The following TSHZ2 variants were observed in gnomAD, a reference collection of about 807,000 sequenced individuals.
TSHZ2 encodes teashirt homolog 2.
A neutral mutation model predicts 74.4 loss-of-function variants in TSHZ2; 21 were observed. The ratio of observed to expected loss-of-function variants is 0.28; its 90% confidence interval spans 0.20 to 0.41. The LOEUF (loss-of-function observed/expected upper bound fraction) is 0.41, where lower values mean the gene tolerates loss of function less well. Among genes scored for constraint, TSHZ2 ranks in the 10% least tolerant of loss-of-function variants. The probability of loss-of-function intolerance (pLI) is 1.00; values close to 1 mark genes in which losing one functional copy is unlikely to be tolerated. For synonymous variants in TSHZ2, 540 were observed against 515.3 expected, an observed-to-expected ratio of 1.05 and a Z score of -0.65; for missense variants, 1,244 against 1,293.5, an observed-to-expected ratio of 0.96 and a Z score of 0.59.
chr20:53,318,157 C>G (rs1979101808), intron 2 of TSHZ2, among the ~76,000 whole-genome samples: 1 of 152,164 alleles, frequency 6.6e-6, no homozygotes, highest in African/African-American at 2.4e-5. Context: ...TGGGAAGCCT[C>G]CAGAGACCAG....
intron 1 of TSHZ2, among the ~76,000 whole-genome samples, chr20:53,112,121 C>G (rs889951722): frequency 6.6e-6 from 1 of 152,178 alleles, no homozygotes; most frequent in Admixed American, 6.5e-5. Flanking sequence ...AGGAGCAAGA[C>G]AGGGACAAGG....
intron 1 of TSHZ2, among the ~76,000 whole-genome samples, chr20:53,219,212 C>T (rs1053591850): frequency 2.0e-5 from 3 of 152,142 alleles, no homozygotes; most frequent in Non-Finnish European, 4.4e-5. Flanking sequence ...TGAATTCCCC[C>T]ATAAAAGCTG....
At chr20:53,137,166 A>T (rs932513195) in intron 1 of TSHZ2, among the ~76,000 whole-genome samples, 1 of 152,146 alleles carries the variant, frequency 6.6e-6, no homozygotes, top group Non-Finnish European at 1.5e-5. Context: ...ATTGATAGTA[A>T]CACTTCTGCA....
chr20:53,033,408 C>T (rs897970993), intron 1 of TSHZ2, among the ~76,000 whole-genome samples: 1 of 152,034 alleles, frequency 6.6e-6, no homozygotes. Context: ...TGGGGAAAAG[C>T]GAACATAAGC....
chr20:53,408,158 G>A (rs1243378498), intron 2 of TSHZ2, among the ~76,000 whole-genome samples: 1 of 152,208 alleles, frequency 6.6e-6, no homozygotes, highest in Non-Finnish European at 1.5e-5. Flanking sequence ...GAATCCGCCA[G>A]GTGGCCAGTC....
At chr20:53,208,554 T>C (rs1305437480) in intron 1 of TSHZ2, 5 of 152,078 alleles carry the variant, frequency 3.3e-5, no homozygotes. Context: ...CCTGCTTGAC[T>C]TGATAATGAC....
At chr20:53,375,884 ATTTCT>A (rs1600590251) in intron 2 of TSHZ2, among the ~76,000 whole-genome samples, 2 of 152,308 alleles carry the variant, frequency 1.3e-5, no homozygotes. Context: ...GTTTGCCTTC[ATTTCT>A]TTATTTATTA....
At chr20:53,000,828 C>G (rs192447794) in intron 1 of TSHZ2, among the ~76,000 whole-genome samples, 1 of 152,284 alleles carries the variant, frequency 6.6e-6, no homozygotes, top group East Asian at 1.9e-4. Flanking sequence ...TCTCTTCCAG[C>G]GCTCTGATTC....
At chr20:53,283,719 A>T (rs1991109001) in intron 2 of TSHZ2, among the ~76,000 whole-genome samples, 1 of 152,132 alleles carries the variant, frequency 6.6e-6, no homozygotes, top group Admixed American at 6.5e-5. Flanking sequence ...TCTTATTCCT[A>T]TTTTACAGTT....
chr20:53,354,263 A>C (rs1013578467), intron 2 of TSHZ2, among the ~76,000 whole-genome samples: 3 of 152,204 alleles, frequency 2.0e-5, no homozygotes, highest in African/African-American at 7.2e-5. Context: ...ACATGAGGAG[A>C]CATGGTGCTC....
Position 53,469,761 on chromosome 20 carries a change from AGAGGGAGG to A in TSHZ2, c.*9-17382_*9-17375del, listed in dbSNP as rs1985726321. Among the ~76,000 whole-genome samples the A allele has an allele frequency of 4.9e-5, 3 of 61,024 alleles. 1 individual carries two copies. Among genetic ancestry groups the A allele is most frequent in the Non-Finnish European group, 9.6e-5 (3 of 31,118 alleles). The allele number at this position is 61,024 out of a possible 152,430, so 40.0% of individuals were successfully genotyped here. ...GGAAGGAAGGACCCAAGAAAGATAG[AGAGGGAGG>A]AAGGGAGGGAGGGAGGGAGGAAGGA... On this transcript the variant is annotated intron_variant, in intron 2 of 2. Coordinates refer to ENST00000371497, the MANE Select transcript of TSHZ2 (RefSeq NM_173485.6).
intron 1 of TSHZ2, among the ~76,000 whole-genome samples, chr20:53,107,458 A>T (rs1352845021): frequency 6.6e-6 from 1 of 152,220 alleles, no homozygotes. Flanking sequence ...TCTGTTTGCC[A>T]TAAGCAGCAC....
At chr20:53,090,631 A>ACAGC (rs1985855818) in intron 1 of TSHZ2, among the ~76,000 whole-genome samples, 1 of 152,180 alleles carries the variant, frequency 6.6e-6, no homozygotes, top group African/African-American at 2.4e-5. Context: ...GGAGCAGCTG[A>ACAGC]CAGCAGCTTG....
At chr20:53,261,918 A>C (rs182717671) in intron 2 of TSHZ2, among the ~76,000 whole-genome samples, 28 of 152,348 alleles carry the variant, frequency 1.8e-4, no homozygotes, top group African/African-American at 6.3e-4. Context: ...GGAGGGGAAA[A>C]TAAAGAGCTA....
intron 1 of TSHZ2, among the ~76,000 whole-genome samples, chr20:53,085,234 G>A (rs538423094): frequency 2.0e-5 from 3 of 152,026 alleles, no homozygotes; most frequent in East Asian, 3.9e-4. Context: ...GCGTGGTGGC[G>A]GGCACCTATA....
chr20:53,097,871 A>C (rs1986098582), intron 1 of TSHZ2: 2 of 151,960 alleles, frequency 1.3e-5, no homozygotes, highest in Admixed American at 6.6e-5. Flanking sequence ...CCCTGCTAGA[A>C]CCTCCAACAT....
intron 1 of TSHZ2, among the ~76,000 whole-genome samples, chr20:53,085,845 C>T (rs1985683407): frequency 6.6e-6 from 1 of 152,188 alleles, no homozygotes; most frequent in Non-Finnish European, 1.5e-5. Context: ...GAAGTAATCC[C>T]ACGCAGGGCT....
At chr20:53,062,352 GT>G (rs1984849083) in intron 1 of TSHZ2, among the ~76,000 whole-genome samples, 1 of 152,200 alleles carries the variant, frequency 6.6e-6, no homozygotes, top group African/African-American at 2.4e-5. Flanking sequence ...GCACAAAACA[GT>G]AAGCTAGAGA....
chr20:53,337,848 C>G (rs6013662), intron 2 of TSHZ2, among the ~76,000 whole-genome samples: 68 of 152,300 alleles, frequency 4.5e-4, no homozygotes, highest in African/African-American at 1.5e-3. Context: ...TAGAAAGTGC[C>G]TTGGTACTAA....
Sources: allele counts gnomAD v4.1 joint callset (sites outside exome capture counted in the v4.1 genomes callset), GRCh38; gene constraint gnomAD v4.1.1; transcripts MANE v1.5; gene names NCBI Gene and HGNC (gene_info 2026-07-23, HGNC 2026-07-21).